ADGRV1: variants seen among roughly 807,000 people sequenced by gnomAD.
ADGRV1 encodes G-protein coupled receptor 98.
In ADGRV1, 359 loss-of-function variants were observed where a neutral mutation model predicts 596.2. That is an observed-to-expected ratio of 0.60 (90% CI 0.55 to 0.66). The LOEUF (loss-of-function observed/expected upper bound fraction) is 0.66, where lower values mean the gene tolerates loss of function less well. Ranked by LOEUF, ADGRV1 falls within the 30% of genes least tolerant of loss-of-function variation. The pLI is 0.00. For missense variants in ADGRV1, 7,274 were observed against 7,575.6 expected (o/e 0.96, Z 1.48); for synonymous variants, 2,681 against 2,679.2 (o/e 1.00, Z -0.02).
chr5:90,920,304 C>T (rs1420131946), intron 83 of ADGRV1, among the ~76,000 whole-genome samples: 1 of 152,172 alleles, frequency 6.6e-6, no homozygotes, highest in Non-Finnish European at 1.5e-5. Flanking sequence ...AAGAGGAACC[C>T]TCATGACCTA....
intron 58 of ADGRV1, chr5:90,759,907 G>C: frequency 3.5e-6 from 1 of 285,452 alleles, no homozygotes; most frequent in Non-Finnish European, 6.6e-6. Flanking sequence ...AGAGGTTGCA[G>C]TGAGCTGAGA....
chr5:90,741,163 A>G (rs2460186), intron 50 of ADGRV1, among the ~76,000 whole-genome samples: 58,443 of 151,808 alleles, frequency 0.38, 12,259 homozygotes, highest in Admixed American at 0.55. Context: ...ATCCCTGTGG[A>G]ATGCCCATAC....
chr5:90,696,996 G>C lies in ADGRV1; in HGVS notation c.8005G>C (p.Glu2669Gln). The C allele has an allele frequency of 6.2e-7, 1 of 1,613,142 alleles. No homozygotes were observed. The change falls in exon 34 of 90, where the codon GAA becomes CAA. Residue 2669 changes from glutamate (E) to glutamine (Q), a missense_variant. Glu to Gln is a conservative substitution (Grantham distance 29). This residue lies in a region of ADGRV1 where 3,643 missense variants were observed against 3,809.2 expected (regional missense o/e 0.96). Transcript: ENST00000405460. ...GGATGACTCTGAACCAGAGGATGACGAAAGTATCATAGTTAGTTTGGTGTA... is the reference window on the plus strand; with the variant it reads ...GGATGACTCTGAACCAGAGGATGACCAAAGTATCATAGTTAGTTTGGTGTA... The part of the protein sequence containing the change: ...ILDDSEPEDD[E>Q]SIIVSLVYTE...
chr5:90,772,309 G>A (rs188106404), intron 59 of ADGRV1, among the ~76,000 whole-genome samples: 120 of 152,244 alleles, frequency 7.9e-4, no homozygotes, highest in African/African-American at 2.7e-3. Flanking sequence ...ATTTCCAGCC[G>A]AGGTTGAAGA....
intron 85 of ADGRV1, among the ~76,000 whole-genome samples, chr5:91,053,751 A>G (rs759601874): frequency 4.4e-4 from 67 of 152,194 alleles, no homozygotes; most frequent in Non-Finnish European, 3.4e-4. Context: ...GCCAAACTCC[A>G]GGTGGTTTTG....
chr5:90,601,005 G>A (rs1366926921), intron 1 of ADGRV1, among the ~76,000 whole-genome samples: 2 of 152,176 alleles, frequency 1.3e-5, no homozygotes, highest in East Asian at 3.9e-4. Context: ...GGGAGGCCGA[G>A]GCGGGTGGAT....
rs776955896 is a variant in ADGRV1, at chr5:90,617,795, AT to A, written c.208-6del. The A allele has an allele frequency of 3.7e-5, 59 of 1,584,622 alleles. No individual in the cohort carries two copies. Among genetic ancestry groups the A allele is most frequent in the Non-Finnish European group, 5.0e-5 (58 of 1,163,958 alleles). ...TAAATAAGAATGATCTATATTTTGC[AT>A]TTGATAGCTGTATGGAGAGGACGCT... On this transcript the variant is annotated splice_polypyrimidine_tract_variant and splice_region_variant and intron_variant, in intron 2 of 89. Coordinates refer to ENST00000405460, the MANE Select transcript of ADGRV1 (RefSeq NM_032119.4).
intron 50 of ADGRV1, among the ~76,000 whole-genome samples, chr5:90,744,609 T>G (rs922806514): frequency 6.6e-6 from 1 of 152,144 alleles, no homozygotes; most frequent in Admixed American, 6.6e-5. Context: ...TATTGTTAAT[T>G]AAGAGTTTTT....
chr5:90,968,632 A>G (rs533965372), intron 84 of ADGRV1, among the ~76,000 whole-genome samples: 224 of 152,342 alleles, frequency 1.5e-3, no homozygotes, highest in Admixed American at 4.6e-3. Flanking sequence ...GGTTACTTTT[A>G]ATGAATTATT....
chr5:90,672,564 A>G lies in ADGRV1; in HGVS notation c.4771A>G (p.Thr1591Ala), dbSNP rs775471701. 24 of 1,613,564 alleles carry G rather than the reference A, an allele frequency of 1.5e-5. No individual in the cohort carries two copies. Among genetic ancestry groups the G allele is most frequent in the South Asian group, 3.3e-5 (3 of 91,048 alleles). Reference sequence around the variant, plus strand: ...ATTTCAGATTGCAGAGGAGGGATCAACCATTTCTTGTGTGGTTGAGAGAAC... The same window carrying G: ...ATTTCAGATTGCAGAGGAGGGATCAGCCATTTCTTGTGTGGTTGAGAGAAC... ...CIPEIAEEGS[T>A]ISCVVERTRG... Residue 1591 changes from threonine (T) to alanine (A), a missense_variant, in exon 22 of 90, where the codon ACC becomes GCC. Around this residue, in one of 5 missense-constraint regions of ADGRV1, gnomAD observed 3,643 missense variants for 3,809.2 expected, o/e 0.96. Coordinates refer to ENST00000405460, the MANE Select transcript of ADGRV1 (RefSeq NM_032119.4).
chr5:90,559,645 A>G (rs1754551340), intron 1 of ADGRV1, among the ~76,000 whole-genome samples: 1 of 152,154 alleles, frequency 6.6e-6, no homozygotes, highest in Admixed American at 6.5e-5. Flanking sequence ...CATGAAATCC[A>G]CAGCCTTTAA....
At chr5:90,639,798 T>C (rs1174052092) in intron 11 of ADGRV1, among the ~76,000 whole-genome samples, 1 of 152,140 alleles carries the variant, frequency 6.6e-6, no homozygotes, top group Non-Finnish European at 1.5e-5. Flanking sequence ...AAAAACTCCC[T>C]CTTAATTTTG....
At chr5:90,721,630 G>A (rs553436140) in intron 45 of ADGRV1, among the ~76,000 whole-genome samples, 3 of 134,370 alleles carry the variant, frequency 2.2e-5, no homozygotes, top group African/African-American at 5.3e-5. Context: ...CACTGAACTC[G>A]TGGATCTTAG....
At chr5:91,097,126 T>C (rs1790943578) in intron 86 of ADGRV1, among the ~76,000 whole-genome samples, 1 of 152,174 alleles carries the variant, frequency 6.6e-6, no homozygotes, top group African/African-American at 2.4e-5. Context: ...ACAGCAAAAA[T>C]GTATTTCTTA....
At chr5:90,672,368 A>T (rs1380586938) in intron 21 of ADGRV1, among the ~76,000 whole-genome samples, 178 bp from the exon 22 acceptor site, 1 of 152,216 alleles carries the variant, frequency 6.6e-6, no homozygotes, top group African/African-American at 2.4e-5. Context: ...GAATGATTGT[A>T]AATATTTCTT....
rs1796205191 is a variant in ADGRV1, at chr5:91,153,226, A to G, written c.18630A>G (p.Pro6210=). The change falls in exon 89 of 90, where the codon CCA becomes CCG. Residue 6210 remains proline (P), a synonymous_variant. Coordinates refer to ENST00000405460, the MANE Select transcript of ADGRV1 (RefSeq NM_032119.4). The part of the protein sequence containing the change: ...QNLIGAMEEV[P]PDWERASFQQ... ...CCCCATCCCAATCTAAAAAGGTGCCACCTGACTGGGAGAGAGCATCCTTCC... is the reference window on the plus strand; with the variant it reads ...CCCCATCCCAATCTAAAAAGGTGCCGCCTGACTGGGAGAGAGCATCCTTCC... 3 of 1,603,672 alleles carry G rather than the reference A, an allele frequency of 1.9e-6. No individual in the cohort carries two copies. Among genetic ancestry groups the G allele is most frequent in the East Asian group, 4.5e-5 (2 of 44,512 alleles).
chr5:90,931,767 T>C (rs1420311134), intron 83 of ADGRV1, among the ~76,000 whole-genome samples: 1 of 152,180 alleles, frequency 6.6e-6, no homozygotes, highest in African/African-American at 2.4e-5. Context: ...TCCTAATTGA[T>C]GAAAAGAAAT....
chr5:91,119,846 C>G (rs1246195236), intron 87 of ADGRV1, among the ~76,000 whole-genome samples: 1 of 152,212 alleles, frequency 6.6e-6, no homozygotes, highest in Non-Finnish European at 1.5e-5. Context: ...CAAGTCTTTT[C>G]CAGCCCAAAC....
chr5:90,814,299 G>T (rs947712473), intron 74 of ADGRV1, among the ~76,000 whole-genome samples: 3 of 152,194 alleles, frequency 2.0e-5, no homozygotes, highest in Admixed American at 6.5e-5. Flanking sequence ...TCCAGGGGCT[G>T]ATGACTACTA....
Sources: allele counts gnomAD v4.1 joint callset (sites outside exome capture counted in the v4.1 genomes callset), GRCh38; gene constraint gnomAD v4.1.1; regional missense constraint gnomAD v4.1.1; transcripts MANE v1.5; gene names NCBI Gene and HGNC (gene_info 2026-07-23, HGNC 2026-07-21).